Variants in ZFHX3 observed in about 807,000 individuals in gnomAD.
ZFHX3 encodes the protein zinc finger homeobox protein 3.
A neutral mutation model predicts 279.1 loss-of-function variants in ZFHX3; 42 were observed. That is an observed-to-expected ratio of 0.15 (90% confidence interval 0.12 to 0.19). The LOEUF (loss-of-function observed/expected upper bound fraction) is 0.19. Ranked by LOEUF, ZFHX3 falls within the 10% of genes least tolerant of loss-of-function variation. The pLI is 1.00. For synonymous variants in ZFHX3, 2,293 were observed against 1,957.8 expected, an observed-to-expected ratio of 1.17 and a Z score of -4.52; for missense variants, 4,981 against 4,754.0, an observed-to-expected ratio of 1.05 and a Z score of -1.40.
chr16:73,001,388 C>T (rs539439930), intron 1 of ZFHX3, among the ~76,000 whole-genome samples: 215 of 152,314 alleles, frequency 1.4e-3, no homozygotes, highest in Admixed American at 2.4e-3. Flanking sequence ...GACCCAGCTA[C>T]GCCACAGCCC....
chr16:73,314,997 G>A (rs944453348), intron 4 of ZFHX3, among the ~76,000 whole-genome samples: 1 of 152,180 alleles, frequency 6.6e-6, no homozygotes. Context: ...GGAGGCTGAG[G>A]CAGGCGGATC....
chr16:73,660,893 C>T (rs1200720569), intron 2 of ZFHX3, among the ~76,000 whole-genome samples: 1 of 152,012 alleles, frequency 6.6e-6, no homozygotes, highest in Non-Finnish European at 1.5e-5. Flanking sequence ...ACTTGCTGAC[C>T]TTTTGCTTTA....
chr16:73,034,328 G>T (rs1327684539), intron 1 of ZFHX3, among the ~76,000 whole-genome samples: 1 of 152,152 alleles, frequency 6.6e-6, no homozygotes, highest in African/African-American at 2.4e-5. Context: ...AAGGCGAGGG[G>T]AAGTTTCTTG....
chr16:73,618,406 T>C (rs1283141054), intron 2 of ZFHX3, among the ~76,000 whole-genome samples: 1 of 152,232 alleles, frequency 6.6e-6, no homozygotes, highest in East Asian at 1.9e-4. Flanking sequence ...ATTTTTAATG[T>C]AATTTTTAAA....
chr16:73,542,885 G>A (rs189283604), intron 2 of ZFHX3, among the ~76,000 whole-genome samples: 1 of 152,232 alleles, frequency 6.6e-6, no homozygotes, highest in East Asian at 1.9e-4. Flanking sequence ...GAAGGGGTTA[G>A]AGCAATGGAA....
intron 7 of ZFHX3, among the ~76,000 whole-genome samples, chr16:73,098,543 G>A (rs190191695): frequency 4.8e-4 from 73 of 152,256 alleles, no homozygotes; most frequent in Admixed American, 3.4e-3. Context: ...TGTATCTTTA[G>A]TAGAGATGGG....
In ZFHX3 at chr16:72,794,156, G is replaced by T; in HGVS notation, c.8526C>A (p.Ile2842=). 5 of 1,614,212 alleles carry T rather than the reference G, an allele frequency of 3.1e-6. No individual in the cohort carries two copies. Among genetic ancestry groups the T allele is most frequent in the Non-Finnish European group, 3.4e-6 (4 of 1,180,028 alleles). ...CCTCGTCTCCAGTTGTGGTATCTGT[G>T]ATTGCTGTGTTGACAGAGGAACAGT... ...NDDCSSVNTA[I]TDTTTGDEGN... The change falls in exon 9 of 10, where the codon ATC becomes ATA. Residue 2842 remains isoleucine, a synonymous_variant. Transcript: ENST00000268489. This position sits in a 1 kb window ranked among gnomAD's most constrained non-coding sequence, Gnocchi z 4.2.
chr16:73,741,161 G>T (rs572963996), intron 1 of ZFHX3, among the ~76,000 whole-genome samples: 1 of 151,720 alleles, frequency 6.6e-6, no homozygotes, highest in African/African-American at 2.4e-5. Context: ...CTCCTGAGTA[G>T]GTGGGATTAC....
intron 1 of ZFHX3, among the ~76,000 whole-genome samples, chr16:73,013,099 A>G (rs902906413): frequency 6.6e-6 from 1 of 152,126 alleles, no homozygotes; most frequent in Admixed American, 6.5e-5. Context: ...GAGTGAAGGT[A>G]CCCAGGCCAA....
chr16:72,959,336 A>G lies in ZFHX3; in HGVS notation c.810T>C (p.Asp270=). The G allele has an allele frequency of 6.2e-7, 1 of 1,614,272 alleles. No homozygotes were observed. Residue 270 remains aspartate (D), a synonymous_variant, in exon 2 of 10, where the codon GAT becomes GAC. Transcript: ENST00000268489. ...VPNNVDLSKF[D]GFVLYGKRKP... ...TCCTCTTGCCATAGAGCACAAAGCC[A>G]TCGAATTTGGACAGGTCCACATTGT... is the stretch of plus-strand genomic sequence containing the variant.
At chr16:72,993,385 G>GC (rs1331779023) in intron 1 of ZFHX3, among the ~76,000 whole-genome samples, 3 of 152,126 alleles carry the variant, frequency 2.0e-5, no homozygotes, top group Non-Finnish European at 4.4e-5. Flanking sequence ...CTGTCCACAG[G>GC]CCCCCCTACC....
intron 3 of ZFHX3, among the ~76,000 whole-genome samples, chr16:72,948,561 G>A (rs994246575): frequency 2.0e-5 from 3 of 152,140 alleles, no homozygotes; most frequent in Admixed American, 6.5e-5. Context: ...TTCCAGGCCC[G>A]TAAGAAGCAA....
chr16:73,222,953 G>C (rs996097704), intron 5 of ZFHX3, among the ~76,000 whole-genome samples: 9 of 152,074 alleles, frequency 5.9e-5, no homozygotes, highest in Admixed American at 2.6e-4. Context: ...AGAAGGAAAG[G>C]ACATGTGATA....
At chr16:73,277,923 A>G (rs2014345284) in intron 4 of ZFHX3, among the ~76,000 whole-genome samples, 1 of 152,144 alleles carries the variant, frequency 6.6e-6, no homozygotes, top group African/African-American at 2.4e-5. Context: ...GGGAGATGCT[A>G]CATACCTTTA....
chr16:72,801,849 G>C (rs1406776054), intron 7 of ZFHX3, among the ~76,000 whole-genome samples: 1 of 151,852 alleles, frequency 6.6e-6, no homozygotes, highest in Non-Finnish European at 1.5e-5. Flanking sequence ...AGAAGTGAAA[G>C]GTCACCGATT....
At chr16:73,179,181 C>T (rs1336823123) in intron 5 of ZFHX3, among the ~76,000 whole-genome samples, 4 of 152,176 alleles carry the variant, frequency 2.6e-5, no homozygotes, top group Non-Finnish European at 4.4e-5. Flanking sequence ...ATTTCTGGAA[C>T]CAAAGTTCAG....
Position 73,202,960 on chromosome 16 carries a change from T to C in ZFHX3, c.-1104+54087A>G, listed in dbSNP as rs190069493. 5.4e-3 allele frequency among the ~76,000 whole-genome samples: 812 copies of C among 150,902 alleles called. 8 individuals carry two copies. The highest frequency in any genetic ancestry group is 0.019 in the African/African-American group (775 of 41,076). On this transcript the variant is annotated intron_variant, in intron 5 of 17. Coordinates refer to the ZFHX3 transcript ENST00000641206. Reference sequence around the variant, plus strand: ...CGCCTTGACATAACTTTTTTTTTTCTTTTTCGTTCCTATCTTCTACCCTCT... The same window carrying C: ...CGCCTTGACATAACTTTTTTTTTTCCTTTTCGTTCCTATCTTCTACCCTCT...
intron 7 of ZFHX3, among the ~76,000 whole-genome samples, chr16:73,129,361 C>T (rs979970798): frequency 7.1e-6 from 1 of 140,942 alleles, no homozygotes; most frequent in Non-Finnish European, 1.5e-5. Flanking sequence ...GCACTCCAGC[C>T]TGGGTGGCAG....
intron 5 of ZFHX3, among the ~76,000 whole-genome samples, chr16:73,219,872 G>T (rs1470341827): frequency 6.6e-6 from 1 of 152,174 alleles, no homozygotes; most frequent in Non-Finnish European, 1.5e-5. Context: ...GATGACCTGA[G>T]GTCAGGAGTT....
Sources: allele counts gnomAD v4.1 joint callset (sites outside exome capture counted in the v4.1 genomes callset), GRCh38; gene constraint gnomAD v4.1.1; non-coding constraint Gnocchi (gnomAD v3.1); transcripts MANE v1.5; gene names NCBI Gene and HGNC (gene_info 2026-07-23, HGNC 2026-07-21).